Variants in CORO2B observed in about 807,000 individuals in gnomAD.
CORO2B encodes coronin-2B.
In CORO2B, 26 loss-of-function variants were observed where a neutral mutation model predicts 58.8. The observed-to-expected ratio is 0.44, with a 90% CI of 0.32 to 0.61. The LOEUF (loss-of-function observed/expected upper bound fraction) is 0.61, where lower values mean the gene tolerates loss of function less well. Ranked by LOEUF, CORO2B falls within the 20% of genes least tolerant of loss-of-function variation. The pLI is 0.04. For missense variants in CORO2B, 460 were observed against 645.1 expected (o/e 0.71, Z 3.11); for synonymous variants, 242 against 253.8 (o/e 0.95, Z 0.44).
chr15:68,574,510 G>A (rs1899242473), upstream of CORO2B, among the ~76,000 whole-genome samples: 1 of 152,162 alleles, frequency 6.6e-6, no homozygotes, highest in Non-Finnish European at 1.5e-5. Flanking sequence ...CAGGGCCTGG[G>A]CAGATGCTGG....
At chr15:68,713,097 G>A (rs568051624) in intron 5 of CORO2B, among the ~76,000 whole-genome samples, 61 of 152,228 alleles carry the variant, frequency 4.0e-4, no homozygotes, top group African/African-American at 1.2e-3. Flanking sequence ...AGGAAATCAA[G>A]TGTCACGAGC....
chr15:68,544,802 A>C, the CORO2B span, among the ~76,000 whole-genome samples: 3 of 141,982 alleles, frequency 2.1e-5, no homozygotes, highest in African/African-American at 2.7e-5. Context: ...TTTGAGATGG[A>C]CTCTCGCTCT....
At chr15:68,540,982 C>T in the CORO2B span, among the ~76,000 whole-genome samples, 5 of 152,206 alleles carry the variant, frequency 3.3e-5, no homozygotes, top group Non-Finnish European at 7.3e-5. Flanking sequence ...GTAATCCCAA[C>T]ACTTTGGGAG....
At chr15:68,638,563 GT>G (rs1269932912) in intron 1 of CORO2B, among the ~76,000 whole-genome samples, 15 of 152,170 alleles carry the variant, frequency 9.9e-5, no homozygotes, top group African/African-American at 3.6e-4. Flanking sequence ...TTACACTTTT[GT>G]GTAGGGCCCT....
At chr15:68,648,047 AAG>A (rs1555413745) in intron 2 of CORO2B, among the ~76,000 whole-genome samples, 1 of 139,928 alleles carries the variant, frequency 7.1e-6, no homozygotes, top group African/African-American at 3.1e-5. Flanking sequence ...AAAAAAAAAA[AAG>A]AGTCTGGGCA....
the CORO2B span, among the ~76,000 whole-genome samples, chr15:68,573,361 G>T: frequency 1.3e-5 from 2 of 152,222 alleles, no homozygotes; most frequent in African/African-American, 4.8e-5. Flanking sequence ...AGATGAGAAG[G>T]GCAGGAGGGT....
At chr15:68,574,631 C>T (rs977098706), upstream of CORO2B, among the ~76,000 whole-genome samples, 2 of 151,890 alleles carry the variant, frequency 1.3e-5, no homozygotes, top group African/African-American at 2.4e-5. Context: ...ATAAAGGTGC[C>T]CATCACAGCC....
Position 68,687,926 on chromosome 15 carries a change from T to C in CORO2B, c.217-7214T>C, listed in dbSNP as rs1293334302. Among the ~76,000 whole-genome samples, 3 of 152,254 alleles carry C rather than the reference T, an allele frequency of 2.0e-5. No homozygotes were observed. In the South Asian group the frequency reaches 6.2e-4, roughly 31 times the overall value. ...GCCCTCATGACCTAATCACCTCTTATAACCACTTCCCAACACTGTAGCATT... is the reference window on the plus strand; with the variant it reads ...GCCCTCATGACCTAATCACCTCTTACAACCACTTCCCAACACTGTAGCATT... On this transcript the variant is annotated intron_variant, in intron 2 of 11. Coordinates refer to ENST00000261861, the MANE Select transcript of CORO2B (RefSeq NM_006091.5).
At chr15:68,593,424 G>A (rs1235104854) in intron 1 of CORO2B, among the ~76,000 whole-genome samples, 1 of 152,168 alleles carries the variant, frequency 6.6e-6, no homozygotes, top group East Asian at 1.9e-4. Context: ...TGGGATCCAG[G>A]CAGTCACATT....
chr15:68,564,450 C>T, the CORO2B span, among the ~76,000 whole-genome samples: 26 of 152,150 alleles, frequency 1.7e-4, no homozygotes, highest in Middle Eastern at 3.4e-3. Context: ...ACTACAGGAG[C>T]GTGCCACTAC....
the CORO2B span, among the ~76,000 whole-genome samples, chr15:68,550,059 G>A: frequency 6.6e-6 from 1 of 151,944 alleles, no homozygotes; most frequent in African/African-American, 2.4e-5. Flanking sequence ...CTTCCTGCGG[G>A]CTGCAAACCA....
intron 1 of CORO2B, among the ~76,000 whole-genome samples, chr15:68,607,707 A>G (rs551538238): frequency 7.8e-4 from 119 of 151,918 alleles, no homozygotes; most frequent in African/African-American, 2.7e-3. Context: ...GGTCCCAGCT[A>G]CTTGGGACGC....
the CORO2B span, among the ~76,000 whole-genome samples, chr15:68,548,291 C>T: frequency 1.3e-5 from 2 of 151,950 alleles, no homozygotes; most frequent in Non-Finnish European, 2.9e-5. Flanking sequence ...AAGAATACTA[C>T]ATTTTGTTCG....
chr15:68,601,834 C>T (rs568529197), intron 1 of CORO2B, among the ~76,000 whole-genome samples: 2 of 152,202 alleles, frequency 1.3e-5, no homozygotes, highest in South Asian at 2.1e-4. Context: ...AACACCTGAG[C>T]CATTTATAAA....
At chr15:68,627,481 G>A (rs1900715927) in intron 1 of CORO2B, among the ~76,000 whole-genome samples, 2 of 152,180 alleles carry the variant, frequency 1.3e-5, no homozygotes, top group South Asian at 2.1e-4. Context: ...CCAGGATGCA[G>A]AGAGAAGAGG....
chr15:68,696,557 CAAA>C (rs3985628), intron 3 of CORO2B, among the ~76,000 whole-genome samples: 2 of 110,050 alleles, frequency 1.8e-5, no homozygotes. Flanking sequence ...GACTCTGCCT[CAAA>C]AAAAAAAAAA....
intron 1 of CORO2B, 112 bp downstream of exon 1, chr15:68,579,389 A>G (rs1207763941): frequency 5.9e-6 from 6 of 1,013,240 alleles, no homozygotes; most frequent in Non-Finnish European, 7.3e-6. Flanking sequence ...GGTGCCGGGA[A>G]GGTGCGGCGC....
At chr15:68,523,134 T>C in the CORO2B span, among the ~76,000 whole-genome samples, 5 of 152,194 alleles carry the variant, frequency 3.3e-5, no homozygotes, top group East Asian at 9.6e-4. Context: ...GGGGTATTTC[T>C]TGGGTCGGCC....
the CORO2B span, among the ~76,000 whole-genome samples, chr15:68,545,619 G>A: frequency 6.8e-6 from 1 of 147,034 alleles, no homozygotes; most frequent in Non-Finnish European, 1.5e-5. Context: ...GGGCGGGGGG[G>A]GTAATACTGG....
Sources: gnomAD v4.1 joint callset for allele counts (sites outside exome capture counted in the v4.1 genomes callset) on GRCh38, gnomAD v4.1.1 for gene constraint, MANE v1.5 for transcripts, NCBI Gene and HGNC (gene_info 2026-07-23, HGNC 2026-07-21) for gene names.